AGAP1: variants seen among roughly 807,000 people sequenced by gnomAD.
The protein encoded by AGAP1 is ArfGAP with GTPase domain, ankyrin repeat and PH domain 1.
AGAP1 carries 29 observed loss-of-function variants against 105.3 expected under a neutral mutation model. The ratio of observed to expected loss-of-function variants is 0.28; its 90% CI spans 0.21 to 0.38. The LOEUF (loss-of-function observed/expected upper bound fraction) is 0.38. AGAP1 is among the 10% of genes least tolerant of loss of function. AGAP1 has a pLI of 1.00. For synonymous variants in AGAP1, 509 were observed against 485.9 expected (o/e 1.05, Z -0.63); for missense variants, 998 against 1,165.1 (o/e 0.86, Z 2.09).
intron 1 of AGAP1, among the ~76,000 whole-genome samples, chr2:235,530,318 C>T (rs141718492): frequency 3.9e-5 from 6 of 152,220 alleles, no homozygotes; most frequent in South Asian, 2.1e-4. Flanking sequence ...ACTGTGCTTC[C>T]GCTTTAGATA....
At chr2:235,595,206 A>C (rs1411976426) in intron 1 of AGAP1, among the ~76,000 whole-genome samples, 1 of 152,160 alleles carries the variant, frequency 6.6e-6, no homozygotes, top group Non-Finnish European at 1.5e-5. Flanking sequence ...AGGAAAACTG[A>C]AGGTTTGTAA....
intron 13 of AGAP1, among the ~76,000 whole-genome samples, chr2:235,986,075 A>T (rs970839910): frequency 2.0e-5 from 3 of 152,176 alleles, no homozygotes; most frequent in African/African-American, 7.2e-5. Flanking sequence ...GGCCATTTTC[A>T]TGATATTGAT....
chr2:235,599,631 T>C lies in AGAP1; in HGVS notation c.163+104782T>C, dbSNP rs11675035. On this transcript the variant is annotated intron_variant, in intron 1 of 17. Transcript: ENST00000304032. This position sits in a 1 kb window ranked among gnomAD's most constrained non-coding sequence, Gnocchi z 5.3. ...TGGCCCATGTGGCTCCGGAAGTTCC[T>C]GGGAGTGGCTCGTAGAGCCTGTTTT... Among the ~76,000 whole-genome samples the C allele has an allele frequency of 0.42, 63,625 of 152,068 alleles. 17,196 individuals are homozygous for C. The highest frequency in any genetic ancestry group is 0.77 in the African/African-American group (31,742 of 41,486).
intron 11 of AGAP1, among the ~76,000 whole-genome samples, chr2:235,918,273 T>A (rs769076323): frequency 5.3e-5 from 8 of 152,264 alleles, no homozygotes; most frequent in Non-Finnish European, 8.8e-5. Context: ...GAAGCCTTAC[T>A]GGTCGAGAAT....
chr2:235,997,340 C>T (rs143066693), intron 13 of AGAP1, among the ~76,000 whole-genome samples: 2,274 of 152,302 alleles, frequency 0.015, 62 homozygotes, highest in African/African-American at 0.051. Context: ...CCGCCCACCT[C>T]GGCCTCCCAA....
At chr2:236,052,457 C>T (rs1272831760) in intron 16 of AGAP1, among the ~76,000 whole-genome samples, 1 of 152,156 alleles carries the variant, frequency 6.6e-6, no homozygotes, top group African/African-American at 2.4e-5. Context: ...GGACAGCCGG[C>T]CTCTGCTGTG....
chr2:235,679,368 T>C (rs983129773), intron 1 of AGAP1, among the ~76,000 whole-genome samples: 2 of 152,222 alleles, frequency 1.3e-5, no homozygotes, highest in African/African-American at 4.8e-5. Flanking sequence ...CTATGAGATA[T>C]ACATTTGCCC....
chr2:235,914,238 T>C (rs1473896568), intron 11 of AGAP1, among the ~76,000 whole-genome samples: 2 of 152,236 alleles, frequency 1.3e-5, no homozygotes, highest in Non-Finnish European at 2.9e-5. Flanking sequence ...AATGCCTAAC[T>C]GTGTGCCACC....
chr2:235,947,424 C>CTAG (rs2053547690), intron 12 of AGAP1, among the ~76,000 whole-genome samples: 1 of 152,108 alleles, frequency 6.6e-6, no homozygotes, highest in Admixed American at 6.6e-5. Flanking sequence ...TTATGGCTGA[C>CTAG]TAGTATTCCA....
intron 11 of AGAP1, among the ~76,000 whole-genome samples, chr2:235,918,612 T>G (rs1268651681): frequency 6.6e-6 from 1 of 152,246 alleles, no homozygotes; most frequent in Non-Finnish European, 1.5e-5. Flanking sequence ...TTGTAAACTC[T>G]TTGAGGCATA....
chr2:235,542,118 CT>C (rs1943463130), intron 1 of AGAP1, among the ~76,000 whole-genome samples: 1 of 152,136 alleles, frequency 6.6e-6, no homozygotes, highest in South Asian at 2.1e-4. Context: ...GCTCTCAAGG[CT>C]AGAACTGTTT....
At chr2:235,902,331 A>G (rs888053648) in intron 10 of AGAP1, among the ~76,000 whole-genome samples, 7 of 152,222 alleles carry the variant, frequency 4.6e-5, no homozygotes, top group South Asian at 2.1e-4. Context: ...TAGTAATGCA[A>G]TGTGAAATCA....
intron 10 of AGAP1, among the ~76,000 whole-genome samples, chr2:235,885,913 C>A (rs140215287): frequency 6.6e-6 from 1 of 152,318 alleles, no homozygotes; most frequent in East Asian, 1.9e-4. Flanking sequence ...CAGTGTCCTG[C>A]TAGTTTAGTT....
rs1195146860 is a variant in AGAP1, at chr2:236,124,654, A to G, written c.*532A>G. 1 of 176,192 alleles carries G rather than the reference A, an allele frequency of 5.7e-6. No homozygotes were observed. The highest frequency in any genetic ancestry group is 5.4e-5 in the Admixed American group (1 of 18,600). 10.9% of individuals were successfully genotyped at this position (176,192 alleles called of 1,614,324 possible). On this transcript the variant is annotated 3_prime_UTR_variant, in exon 18 of 18. Transcript: ENST00000304032. The surrounding 1 kb of genome is among the most constrained non-coding windows in gnomAD (Gnocchi z 5.1). ...GGTGTGTGTCAAATCAGTTGTAGCT[A>G]ATCTGTCCAGGGAGAATACTGGCTT...
intron 1 of AGAP1, among the ~76,000 whole-genome samples, chr2:235,632,543 A>G (rs1946863049): frequency 6.6e-6 from 1 of 152,242 alleles, no homozygotes. Context: ...ATCTGTGACC[A>G]TCTGCTGATG....
rs1460046045 is a variant in AGAP1 at position 235,752,933 on chromosome 2, T to C, written c.673+2445T>C. 1.3e-5 allele frequency among the ~76,000 whole-genome samples: 2 copies of C among 152,120 alleles called. No homozygotes were observed. Among genetic ancestry groups the C allele is most frequent in the Non-Finnish European group, 2.9e-5 (2 of 68,022 alleles). ...GAGTCCAGGGCCAGGTGCTGGTGGG[T>C]GTGGTGTCTGCTGAGGGCCATCCTC... On this transcript the variant is annotated intron_variant, in intron 6 of 17. Coordinates refer to ENST00000304032, the MANE Select transcript of AGAP1 (RefSeq NM_001037131.3). The surrounding 1 kb of genome is among the most constrained non-coding windows in gnomAD (Gnocchi z 4.3).
In AGAP1 at chr2:235,596,809, C is replaced by T. The variant is rs1334296023; in HGVS notation, c.163+101960C>T. Among the ~76,000 whole-genome samples, 1 of 152,116 alleles carries T rather than the reference C, an allele frequency of 6.6e-6. No homozygotes were observed. Among genetic ancestry groups the T allele is most frequent in the African/African-American group, 2.4e-5 (1 of 41,420 alleles). ...CGACTGAATTGTGTCCCTGCAACCC[C>T]GTGTGATGGTATTAGGAGGTGGGTC... On this transcript the variant is annotated intron_variant, in intron 1 of 17. Coordinates refer to ENST00000304032, the MANE Select transcript of AGAP1 (RefSeq NM_001037131.3). The surrounding 1 kb of genome is among the most constrained non-coding windows in gnomAD (Gnocchi z 5.9).
In AGAP1 at chr2:235,794,847, ATATT is replaced by A. The variant is rs113592838; in HGVS notation, c.674-2908_674-2905del. On this transcript the variant is annotated intron_variant, in intron 6 of 17. Coordinates refer to ENST00000304032, the MANE Select transcript of AGAP1 (RefSeq NM_001037131.3). Reference sequence around the variant, plus strand: ...GCACCAACACACATTTACATTGAACATATTTATGTCTATGCACCCACACACATTT... The same window carrying A: ...GCACCAACACACATTTACATTGAACATATGTCTATGCACCCACACACATTT... Among the ~76,000 whole-genome samples, 416 of 152,250 alleles carry A rather than the reference ATATT, an allele frequency of 2.7e-3. 1 individual carries two copies. The highest frequency in any genetic ancestry group is 8.8e-3 in the African/African-American group (364 of 41,534).
chr2:235,604,643 C>A (rs1341158457), intron 1 of AGAP1, among the ~76,000 whole-genome samples: 2 of 120,714 alleles, frequency 1.7e-5, no homozygotes. Flanking sequence ...AGTGCAGTGG[C>A]ACGATCTTGG....
Sources: allele counts gnomAD v4.1 joint callset (sites outside exome capture counted in the v4.1 genomes callset), GRCh38; gene constraint gnomAD v4.1.1; non-coding constraint Gnocchi (gnomAD v3.1); transcripts MANE v1.5; gene names NCBI Gene and HGNC (gene_info 2026-07-23, HGNC 2026-07-21).